MAPK10: variants seen among roughly 807,000 people sequenced by gnomAD.
MAPK10 encodes the protein mitogen-activated protein kinase 10.
Under a neutral mutation model 59.3 loss-of-function variants are expected in MAPK10, and 25 were observed. The ratio of observed to expected loss-of-function variants is 0.42; its 90% confidence interval spans 0.31 to 0.59. The LOEUF (loss-of-function observed/expected upper bound fraction) is 0.59, where lower values mean the gene tolerates loss of function less well. Ranked by LOEUF, MAPK10 falls within the 20% of genes least tolerant of loss-of-function variation. The pLI, the probability that MAPK10 is intolerant of heterozygous loss-of-function variation, is 0.15. For synonymous variants in MAPK10, 190 were observed against 200.5 expected, an observed-to-expected ratio of 0.95 and a Z score of 0.44; for missense variants, 351 against 568.9, an observed-to-expected ratio of 0.62 and a Z score of 3.90.
intron 1 of MAPK10, among the ~76,000 whole-genome samples, chr4:86,372,564 G>GGAAAAGAAAAGAAAAGAAAAGA (rs1554253763): frequency 1.9e-4 from 15 of 78,714 alleles, no homozygotes; most frequent in African/African-American, 6.2e-4. Context: ...AAGAAAGAAA[G>GGAAAAGAAAAGAAAAGAAAAGA]AAAGAAAAGA....
intron 1 of MAPK10, among the ~76,000 whole-genome samples, chr4:86,393,702 T>A (rs1300593759): frequency 2.0e-5 from 3 of 152,200 alleles, no homozygotes; most frequent in Non-Finnish European, 4.4e-5. Context: ...ACTGTCACTA[T>A]ATCTGTGGGT....
At chr4:86,339,312 C>T (rs1339150195) in intron 2 of MAPK10, among the ~76,000 whole-genome samples, 1 of 152,166 alleles carries the variant, frequency 6.6e-6, no homozygotes, top group Non-Finnish European at 1.5e-5. Flanking sequence ...ATGCTCCCAC[C>T]TCATCCTCAA....
chr4:86,540,037 C>T (rs1279838176), intron 1 of MAPK10, among the ~76,000 whole-genome samples: 1 of 152,076 alleles, frequency 6.6e-6, no homozygotes, highest in African/African-American at 2.4e-5. Flanking sequence ...GGGTTTTTTC[C>T]TTTTCACAAA....
At chr4:86,273,041 T>A (rs1449421222) in intron 2 of MAPK10, among the ~76,000 whole-genome samples, 2 of 152,062 alleles carry the variant, frequency 1.3e-5, no homozygotes, top group East Asian at 1.9e-4. Context: ...CAGCACTTTT[T>A]AAAATGCTAC....
intron 1 of MAPK10, among the ~76,000 whole-genome samples, chr4:86,587,484 C>T (rs1762728225): frequency 6.6e-6 from 1 of 152,202 alleles, no homozygotes; most frequent in Admixed American, 6.5e-5. Flanking sequence ...ACAAAGTCTT[C>T]CTTAAGCACT....
exon 1 of MAPK10, chr4:86,593,919 A>T (rs1430706904): frequency 6.6e-6 from 1 of 151,674 alleles, no homozygotes; most frequent in East Asian, 1.9e-4. Context: ...CGCATTTTTC[A>T]CTCTCCTCCT....
intron 1 of MAPK10, among the ~76,000 whole-genome samples, chr4:86,551,761 C>A (rs938302163): frequency 6.6e-6 from 1 of 152,164 alleles, no homozygotes; most frequent in Non-Finnish European, 1.5e-5. Context: ...GGCACCACCA[C>A]ACCTGGCTAA....
rs1432235240 is a variant in MAPK10 at position 86,034,880 on chromosome 4, T to A, written c.1111-3449A>T. On this transcript the variant is annotated intron_variant, in intron 11 of 13. Coordinates refer to ENST00000641462, the MANE Select transcript of MAPK10 (RefSeq NM_138982.4). ...GCACATTATAAGCCAAGTTACAGTA[T>A]GTAGAAAACAGAATAGGGGTGGTGG... 2.6e-5 allele frequency among the ~76,000 whole-genome samples: 4 copies of A among 152,116 alleles called. No homozygotes were observed. The South Asian group carries it at 8.3e-4, about 32-fold the overall frequency.
intron 4 of MAPK10, among the ~76,000 whole-genome samples, chr4:86,142,534 T>C (rs1423803319): frequency 6.6e-6 from 1 of 152,184 alleles, no homozygotes; most frequent in East Asian, 1.9e-4. Context: ...AACAGGGTGA[T>C]TGCATCATTC....
chr4:86,025,722 C>T, intron 13 of MAPK10: 1 of 384,200 alleles, frequency 2.6e-6, no homozygotes, highest in Non-Finnish European at 4.6e-6. Flanking sequence ...TAGCTACCTT[C>T]AACTTTACCT....
At chr4:86,181,107 A>C (rs1489400625) in intron 3 of MAPK10, among the ~76,000 whole-genome samples, 2 of 152,152 alleles carry the variant, frequency 1.3e-5, no homozygotes, top group African/African-American at 2.4e-5. Context: ...CTCCATAAAC[A>C]TGTATGATTG....
At chr4:86,134,908 C>T (rs1030340833) in intron 4 of MAPK10, among the ~76,000 whole-genome samples, 7 of 152,174 alleles carry the variant, frequency 4.6e-5, no homozygotes, top group Non-Finnish European at 1.0e-4. Context: ...CTTTCCTAGT[C>T]AAAGAAAGGG....
At chr4:86,376,824 A>G (rs545448589) in intron 1 of MAPK10, among the ~76,000 whole-genome samples, 93 of 152,350 alleles carry the variant, frequency 6.1e-4, no homozygotes, top group Admixed American at 1.2e-3. Flanking sequence ...ATTCAAATTC[A>G]ATTTAACCTA....
intron 8 of MAPK10, 24 bp downstream of exon 8, chr4:86,101,028 G>A: frequency 6.2e-7 from 1 of 1,607,914 alleles, no homozygotes; most frequent in East Asian, 2.2e-5. Flanking sequence ...TGGTTTTGAT[G>A]CTGCTCTCCC....
intron 11 of MAPK10, among the ~76,000 whole-genome samples, chr4:86,042,026 T>C (rs535068629): frequency 7.9e-5 from 12 of 152,350 alleles, no homozygotes; most frequent in Non-Finnish European, 1.3e-4. Context: ...CATATGTTTA[T>C]TGCAGCACTA....
At chr4:86,366,287 T>C (rs1276402244) in intron 1 of MAPK10, among the ~76,000 whole-genome samples, 1 of 152,152 alleles carries the variant, frequency 6.6e-6, no homozygotes, top group African/African-American at 2.4e-5. Flanking sequence ...GGGAAATTTC[T>C]ATAGTGATGA....
chr4:86,424,663 C>T (rs1747035968), intron 1 of MAPK10, among the ~76,000 whole-genome samples: 1 of 152,070 alleles, frequency 6.6e-6, no homozygotes, highest in South Asian at 2.1e-4. Flanking sequence ...TTCACAAGCC[C>T]ACCCTCCCCT....
At chr4:86,322,615 T>A (rs898670408) in intron 2 of MAPK10, among the ~76,000 whole-genome samples, 2 of 152,324 alleles carry the variant, frequency 1.3e-5, no homozygotes, top group African/African-American at 4.8e-5. Context: ...TATGACTAAG[T>A]GCCCAGTTCT....
chr4:86,438,991 G>A (rs1749100978), intron 1 of MAPK10, among the ~76,000 whole-genome samples: 1 of 152,204 alleles, frequency 6.6e-6, no homozygotes, highest in Admixed American at 6.5e-5. Flanking sequence ...CAATCATGCT[G>A]ACTGTGGTTC....
Sources: allele counts gnomAD v4.1 joint callset (sites outside exome capture counted in the v4.1 genomes callset), GRCh38; gene constraint gnomAD v4.1.1; transcripts MANE v1.5; gene names NCBI Gene and HGNC (gene_info 2026-07-23, HGNC 2026-07-21).